The following CDC42BPA variants were observed in gnomAD, a reference collection of about 807,000 sequenced individuals.
CDC42BPA encodes CDC42 binding protein kinase alpha, also known as serine/threonine-protein kinase MRCK alpha.
Under a neutral mutation model 223.5 loss-of-function variants are expected in CDC42BPA, and 80 were observed. That is an observed-to-expected ratio of 0.36 (90% CI 0.30 to 0.43). The LOEUF is 0.43. Among genes scored for constraint, CDC42BPA ranks in the 20% least tolerant of loss-of-function variants. CDC42BPA has a pLI of 1.00. For synonymous variants in CDC42BPA, 694 were observed against 718.6 expected (o/e 0.97, Z 0.55); for missense variants, 1,743 against 2,099.9 (o/e 0.83, Z 3.32).
At position 227,044,296 on chromosome 1, in the gene CDC42BPA, C is replaced by T. The variant is rs542878415; in HGVS notation, c.3093+3631G>A. 5.1e-4 allele frequency among the ~76,000 whole-genome samples: 78 copies of T among 152,258 alleles called. 2 individuals carry two copies. In the South Asian group the frequency reaches 0.015, roughly 30 times the overall value. On this transcript the variant is annotated intron_variant, in intron 23 of 36. Coordinates refer to ENST00000366766, the MANE Select transcript of CDC42BPA (RefSeq NM_001394014.1). ...ATATCTTCCACTAGTCTGTCATCAT[C>T]TGTTAACAATGCTTTCACTGTAAAA...
chr1:227,166,977 C>T (rs1387001057), intron 5 of CDC42BPA, among the ~76,000 whole-genome samples: 1 of 151,966 alleles, frequency 6.6e-6, no homozygotes, highest in African/African-American at 2.4e-5. Context: ...TTGACAGTAC[C>T]CACAAACCCA....
At position 227,026,103 on chromosome 1, in the gene CDC42BPA, G is replaced by T; in HGVS notation, c.4482C>A (p.Ile1494=). 1 of 1,608,170 alleles carries T rather than the reference G, an allele frequency of 6.2e-7. No individual in the cohort carries two copies. Among genetic ancestry groups the T allele is most frequent in the Non-Finnish European group, 8.5e-7 (1 of 1,176,506 alleles). ...LSVYSENAVD[I]FDVNSMEWIQ... ...TCCATTCCATGGAGTTCACATCAAA[G>T]ATATCAACTGCATTTTCACTGTACA... Residue 1494 remains isoleucine (I), a synonymous_variant, in exon 31 of 37, where the codon ATC becomes ATA. Transcript: ENST00000366766.
In CDC42BPA at chr1:226,991,589, T is replaced by C. The variant is rs1281875799; in HGVS notation, c.*2679A>G. Reference sequence around the variant, plus strand: ...GACTGCTCTATTATGACTGATGAGATTACTTGCCATTGCAGTGGAAAAATC... The same window carrying C: ...GACTGCTCTATTATGACTGATGAGACTACTTGCCATTGCAGTGGAAAAATC... On this transcript the variant is annotated 3_prime_UTR_variant, in exon 37 of 37. Transcript: ENST00000366766. 6.6e-6 allele frequency: 1 copy of C among 152,152 alleles called. No individual in the cohort carries two copies. The highest frequency in any genetic ancestry group is 1.5e-5 in the Non-Finnish European group (1 of 68,038). 9.4% of individuals were successfully genotyped at this position (152,152 alleles called of 1,614,324 possible).
intron 1 of CDC42BPA, among the ~76,000 whole-genome samples, chr1:227,282,929 A>G (rs918956488): frequency 2.6e-5 from 4 of 152,246 alleles, no homozygotes; most frequent in African/African-American, 9.6e-5. Flanking sequence ...ATGGTTGCAC[A>G]ACAATGTGTA....
chr1:227,183,870 C>T (rs1668341538), intron 5 of CDC42BPA, among the ~76,000 whole-genome samples: 1 of 152,164 alleles, frequency 6.6e-6, no homozygotes, highest in Non-Finnish European at 1.5e-5. Context: ...GTATTAGCTA[C>T]TTTTTATTTT....
At chr1:227,103,039 CAT>C (rs1376508826) in intron 14 of CDC42BPA, among the ~76,000 whole-genome samples, 1 of 151,966 alleles carries the variant, frequency 6.6e-6, no homozygotes, top group Non-Finnish European at 1.5e-5. Flanking sequence ...TTACGTGAAA[CAT>C]CAGAGATACA....
chr1:227,075,921 A>G (rs1468590127), intron 17 of CDC42BPA, among the ~76,000 whole-genome samples: 2 of 152,120 alleles, frequency 1.3e-5, no homozygotes, highest in African/African-American at 4.8e-5. Context: ...CCTCTTGTAA[A>G]CTGACTTTAA....
intron 21 of CDC42BPA, among the ~76,000 whole-genome samples, chr1:227,058,222 G>A (rs1311500221): frequency 6.6e-6 from 1 of 152,138 alleles, no homozygotes; most frequent in African/African-American, 2.4e-5. Context: ...CCATAGTACA[G>A]GTATCTGAAA....
intron 8 of CDC42BPA, 58 bp downstream of exon 8, chr1:227,145,431 A>G: frequency 6.7e-7 from 1 of 1,493,156 alleles, no homozygotes; most frequent in Non-Finnish European, 9.1e-7. Context: ...AAAAATTACT[A>G]TATAACCATA....
At chr1:227,043,370 G>A (rs1435322799) in intron 23 of CDC42BPA, among the ~76,000 whole-genome samples, 3 of 146,188 alleles carry the variant, frequency 2.1e-5, no homozygotes, top group South Asian at 4.2e-4. Context: ...CTGAGATCAC[G>A]CCACTGCACT....
chr1:227,159,087 T>C (rs975477508), intron 6 of CDC42BPA, among the ~76,000 whole-genome samples: 1 of 152,214 alleles, frequency 6.6e-6, no homozygotes, highest in African/African-American at 2.4e-5. Flanking sequence ...AGTTTTACAG[T>C]TCCTTACAGT....
chr1:227,038,690 G>A (rs1054196898), intron 24 of CDC42BPA, among the ~76,000 whole-genome samples: 3 of 152,164 alleles, frequency 2.0e-5, no homozygotes, highest in Non-Finnish European at 2.9e-5. Flanking sequence ...AATGTTCAAC[G>A]GAAATTTTAA....
Position 227,317,748 on chromosome 1 carries a change from G to A in CDC42BPA, c.-566C>T. ...CCACCACTTGGATAATGCATCAGCG[G>A]CAATTTCTCCAGCGGGAAAGGGAGG... On this transcript the variant is annotated 5_prime_UTR_variant, in exon 1 of 37. Coordinates refer to ENST00000366766, the MANE Select transcript of CDC42BPA (RefSeq NM_001394014.1). 2.5e-6 allele frequency: 1 copy of A among 398,496 alleles called. No homozygotes were observed. Among genetic ancestry groups the A allele is most frequent in the Non-Finnish European group, 4.4e-6 (1 of 226,076 alleles). The allele number at this position is 398,496 out of a possible 1,614,324, so 24.7% of individuals were successfully genotyped here. A position where few individuals can be genotyped will look rare whatever the true frequency, so the allele number is the denominator to read the frequency against.
chr1:227,250,396 G>A (rs893315070), intron 2 of CDC42BPA, among the ~76,000 whole-genome samples: 2 of 152,102 alleles, frequency 1.3e-5, no homozygotes, highest in African/African-American at 4.8e-5. Context: ...GCTGAGGCAG[G>A]AGAATCACTT....
chr1:227,158,093 C>G (rs1235862774), intron 6 of CDC42BPA, among the ~76,000 whole-genome samples: 1 of 151,920 alleles, frequency 6.6e-6, no homozygotes, highest in African/African-American at 2.4e-5. Context: ...GAGTGAGTAG[C>G]TGGGATTACA....
At chr1:227,096,127 C>T (rs569669198) in intron 15 of CDC42BPA, among the ~76,000 whole-genome samples, 1 of 152,168 alleles carries the variant, frequency 6.6e-6, no homozygotes, top group South Asian at 2.1e-4. Flanking sequence ...ATTTAAATGA[C>T]AAATTCAAGG....
chr1:227,299,536 AATAT>A lies in CDC42BPA; in HGVS notation c.178+17465_178+17468del, dbSNP rs1691268954. On this transcript the variant is annotated intron_variant, in intron 1 of 36. Coordinates refer to ENST00000366766, the MANE Select transcript of CDC42BPA (RefSeq NM_001394014.1). ...CATCCTAACCCTATTTTAAGCTGTA[AATAT>A]ATAATGTTATCTAGATACACTGATT... is the stretch of plus-strand genomic sequence containing the variant. Among the ~76,000 whole-genome samples the A allele has an allele frequency of 4.6e-5, 7 of 152,324 alleles. No homozygotes were observed. The South Asian group carries it at 1.2e-3, about 27-fold the overall frequency.
intron 3 of CDC42BPA, among the ~76,000 whole-genome samples, chr1:227,208,269 G>C (rs1398478987): frequency 1.3e-5 from 2 of 151,160 alleles, no homozygotes; most frequent in Non-Finnish European, 3.0e-5. Context: ...TTAGCCCTTT[G>C]AGTAGGTTGC....
intron 2 of CDC42BPA, among the ~76,000 whole-genome samples, chr1:227,248,376 C>CA (rs1226813529): frequency 2.6e-5 from 4 of 151,814 alleles, no homozygotes; most frequent in Admixed American, 2.6e-4. Context: ...CACACACACA[C>CA]AAAAAAACTT....
Sources: allele counts gnomAD v4.1 joint callset (sites outside exome capture counted in the v4.1 genomes callset), GRCh38; gene constraint gnomAD v4.1.1; transcripts MANE v1.5; gene names NCBI Gene and HGNC (gene_info 2026-07-23, HGNC 2026-07-21).